The following NR2F2 variants were observed in gnomAD, a reference collection of about 807,000 sequenced individuals.
NR2F2 encodes the protein nuclear receptor subfamily 2 group F member 2, also known as COUP transcription factor 2.
A neutral mutation model predicts 34.8 loss-of-function variants in NR2F2; 2 were observed. That is an observed-to-expected ratio of 0.06 (90% CI 0.02 to 0.18). NR2F2 has a LOEUF of 0.18. Among genes scored for constraint, NR2F2 ranks in the 10% least tolerant of loss-of-function variants. The pLI, the probability that NR2F2 is intolerant of heterozygous loss-of-function variation, is 1.00. For missense variants in NR2F2, 300 were observed against 580.1 expected (o/e 0.52, Z 4.96); for synonymous variants, 274 against 251.8 (o/e 1.09, Z -0.84).
At position 96,331,601 on chromosome 15, in the gene NR2F2, CGCCAACTCCTCG is replaced by C. The variant is rs1168111159; in HGVS notation, c.-502_-491del. ...CCTCCTCCTCCTCCTCCTCCTCCTC[CGCCAACTCCTCG>C]GCTGCACACCAGCTCTAAGAGCGAG... is the stretch of plus-strand genomic sequence containing the variant. On this transcript the variant is annotated 5_prime_UTR_variant, in exon 1 of 3. Coordinates refer to ENST00000394166, the MANE Select transcript of NR2F2 (RefSeq NM_021005.4). 2.6e-5 allele frequency: 32 copies of C among 1,213,998 alleles called. No homozygotes were observed. The highest frequency in any genetic ancestry group is 4.2e-5 in the South Asian group (1 of 24,066). The allele number at this position is 1,213,998 out of a possible 1,614,324, so 75.2% of individuals were successfully genotyped here. A position where few individuals can be genotyped will look rare whatever the true frequency, so the allele number is the denominator to read the frequency against.
At chr15:96,328,764 C>CTTTTTTTTT (rs58051222), upstream of NR2F2, among the ~76,000 whole-genome samples, 1 of 138,748 alleles carries the variant, frequency 7.2e-6, no homozygotes, top group Admixed American at 7.2e-5. Context: ...GTTTGCTGGG[C>CTTTTTTTTT]TTTTTTTTTT....
chr15:96,331,009 C>T lies in NR2F2; in HGVS notation c.-1097C>T, dbSNP rs891086404. 13 of 1,224,288 alleles carry T rather than the reference C, an allele frequency of 1.1e-5. No individual in the cohort carries two copies. The African/African-American group carries it at 1.2e-4, about 12-fold the overall frequency. The allele number at this position is 1,224,288 out of a possible 1,614,324, so 75.8% of individuals were successfully genotyped here. A position where few individuals can be genotyped will look rare whatever the true frequency, so the allele number is the denominator to read the frequency against. On this transcript the variant is annotated 5_prime_UTR_variant, in exon 1 of 3. Coordinates refer to ENST00000394166, the MANE Select transcript of NR2F2 (RefSeq NM_021005.4). ...CTCTCTTTTATCATTTCTCCCCCGC[C>T]GCCGGCGAGTTGACTCTTTCCCTAT...
rs947885195 is a variant in NR2F2, at chr15:96,331,615, C to T, written c.-491C>T. The T allele has an allele frequency of 4.3e-5, 52 of 1,200,318 alleles. No individual in the cohort carries two copies. Among genetic ancestry groups the T allele is most frequent in the Non-Finnish European group, 3.4e-5 (33 of 961,718 alleles). The allele number at this position is 1,200,318 out of a possible 1,614,324, so 74.4% of individuals were successfully genotyped here. ...TCCTCCTCCTCCGCCAACTCCTCGG[C>T]TGCACACCAGCTCTAAGAGCGAGAG... On this transcript the variant is annotated 5_prime_UTR_variant, in exon 1 of 3. Transcript: ENST00000394166.
At position 96,331,966 on chromosome 15, in the gene NR2F2, CG is replaced by C; in HGVS notation, c.-136del. The C allele has an allele frequency of 8.3e-7, 1 of 1,207,330 alleles. No homozygotes were observed. Among genetic ancestry groups the C allele is most frequent in the Non-Finnish European group, 1.0e-6 (1 of 972,468 alleles). The allele number at this position is 1,207,330 out of a possible 1,614,324, so 74.8% of individuals were successfully genotyped here. On this transcript the variant is annotated 5_prime_UTR_variant, in exon 1 of 3. Coordinates refer to ENST00000394166, the MANE Select transcript of NR2F2 (RefSeq NM_021005.4). ...TCAACCAACCAGCCCCCGAGCCACCCGGGGCGCCCTCCCGCGCCCTCTTGCA... is the reference window on the plus strand; with the variant it reads ...TCAACCAACCAGCCCCCGAGCCACCCGGGCGCCCTCCCGCGCCCTCTTGCA...
Position 96,331,175 on chromosome 15 carries a change from G to A in NR2F2, c.-931G>A. The A allele has an allele frequency of 2.1e-6, 2 of 973,140 alleles. No homozygotes were observed. The highest frequency in any genetic ancestry group is 2.4e-6 in the Non-Finnish European group (2 of 819,110). The allele number at this position is 973,140 out of a possible 1,614,324, so 60.3% of individuals were successfully genotyped here. A position where few individuals can be genotyped will look rare whatever the true frequency, so the allele number is the denominator to read the frequency against. On this transcript the variant is annotated 5_prime_UTR_variant, in exon 1 of 3. Coordinates refer to ENST00000394166, the MANE Select transcript of NR2F2 (RefSeq NM_021005.4). The stretch of plus-strand genomic sequence containing the variant: ...GGCGGCTTCGGCGGCGGCTCCGGCG[G>A]CAGCGGCGGCCCGGGCGGCCCGCAG...
rs1170662606 is a variant in NR2F2, at chr15:96,331,568, CTCCTCT to C, written c.-532_-527del. 1.2e-4 allele frequency: 141 copies of C among 1,222,186 alleles called. No individual in the cohort carries two copies. The highest frequency in any genetic ancestry group is 1.4e-4 in the Non-Finnish European group (137 of 984,178). The allele number at this position is 1,222,186 out of a possible 1,614,324, so 75.7% of individuals were successfully genotyped here. A position where few individuals can be genotyped will look rare whatever the true frequency, so the allele number is the denominator to read the frequency against. Reference sequence around the variant, plus strand: ...CCTCTACCTCCTCCTTCACCACCACCTCCTCTTCCTCCTCCTCCTCCTCCTCCTCCT... The same window carrying C: ...CCTCTACCTCCTCCTTCACCACCACCTCCTCCTCCTCCTCCTCCTCCTCCT... On this transcript the variant is annotated 5_prime_UTR_variant, in exon 1 of 3. Coordinates refer to ENST00000394166, the MANE Select transcript of NR2F2 (RefSeq NM_021005.4).
Position 96,330,808 on chromosome 15 carries a change from G to A in NR2F2, c.-1298G>A, listed in dbSNP as rs965609806. On this transcript the variant is annotated 5_prime_UTR_variant, in exon 1 of 3. It adds an upstream start codon to the 5' untranslated region. Coordinates refer to ENST00000394166, the MANE Select transcript of NR2F2 (RefSeq NM_021005.4). The stretch of plus-strand genomic sequence containing the variant: ...TTCTCTGTTCTTTTCTCTCCGCGGT[G>A]TGTGTGTGCGTGCGCGCGTGTGTGT... 9.4e-7 allele frequency: 1 copy of A among 1,061,576 alleles called. No homozygotes were observed. 65.8% of individuals were successfully genotyped at this position (1,061,576 alleles called of 1,614,324 possible).
chr15:96,326,497 G>A (rs1898990239), upstream of NR2F2: 1 of 656,640 alleles, frequency 1.5e-6, no homozygotes, highest in Non-Finnish European at 2.7e-6. This position sits in a 1 kb window ranked among gnomAD's most constrained non-coding sequence, Gnocchi z 5.5. Context: ...GGTTTAAGGG[G>A]TTCGGGGAAG....
intron 2 of NR2F2, 119 bp from the exon 3 acceptor site, chr15:96,337,229 C>A: frequency 8.3e-7 from 1 of 1,198,992 alleles, no homozygotes; most frequent in Non-Finnish European, 1.2e-6. Flanking sequence ...TGACAGAGCT[C>A]TGTGCACACA....
At position 96,330,990 on chromosome 15, in the gene NR2F2, T is replaced by G; in HGVS notation, c.-1116T>G. 8.3e-7 allele frequency: 1 copy of G among 1,211,646 alleles called. No individual in the cohort carries two copies. The highest frequency in any genetic ancestry group is 3.3e-5 in the East Asian group (1 of 30,616). The allele number at this position is 1,211,646 out of a possible 1,614,324, so 75.1% of individuals were successfully genotyped here. On this transcript the variant is annotated 5_prime_UTR_variant, in exon 1 of 3. Coordinates refer to ENST00000394166, the MANE Select transcript of NR2F2 (RefSeq NM_021005.4). ...TGGTGATCTGCCCTCCTCTCTCTCT[T>G]TTATCATTTCTCCCCCGCCGCCGGC...
chr15:96,334,333 C>T lies in NR2F2; in HGVS notation c.700C>T (p.Pro234Ser). The stretch of plus-strand genomic sequence containing the variant: ...GTGGGCCCGGAACATCCCCTTCTTC[C>T]CCGACCTGCAGATCACGGACCAGGT... ...VEWARNIPFF[P>S]DLQITDQVAL... The change falls in exon 2 of 3, where the codon CCC becomes TCC. Residue 234 changes from proline (P) to serine (S), a missense_variant. Physicochemically the swap from Pro to Ser is moderately conservative, Grantham distance 74. This residue lies in a region of NR2F2 where 164 missense variants were observed against 365.3 expected (regional missense o/e 0.45). Transcript: ENST00000394166. The T allele has an allele frequency of 6.2e-7, 1 of 1,614,212 alleles. No individual in the cohort carries two copies. The highest frequency in any genetic ancestry group is 8.5e-7 in the Non-Finnish European group (1 of 1,180,040).
chr15:96,339,674 G>A lies in NR2F2; in HGVS notation c.*2052G>A, dbSNP rs1038570859. On this transcript the variant is annotated 3_prime_UTR_variant, in exon 3 of 3. Coordinates refer to ENST00000394166, the MANE Select transcript of NR2F2 (RefSeq NM_021005.4). ...AGAAGGAAGGAGGGAAACTTTACAG[G>A]GTGTGCTGATTTGGAAGTAGTAACT... 1 of 152,142 alleles carries A rather than the reference G, an allele frequency of 6.6e-6. No individual in the cohort carries two copies. The highest frequency in any genetic ancestry group is 1.5e-5 in the Non-Finnish European group (1 of 68,028). The allele number at this position is 152,142 out of a possible 1,614,324, so 9.4% of individuals were successfully genotyped here.
intron 1 of NR2F2, among the ~76,000 whole-genome samples, chr15:96,332,890 C>A (rs1239215448): frequency 6.8e-6 from 1 of 147,942 alleles, no homozygotes; most frequent in Non-Finnish European, 1.5e-5. Context: ...GTTTTTCCTG[C>A]ATGTTCAACA....
At chr15:96,333,577 C>T (rs918572581) in intron 1 of NR2F2, 2 of 1,014,282 alleles carry the variant, frequency 2.0e-6, no homozygotes, top group Non-Finnish European at 2.4e-6. Context: ...GGTTCCCCGC[C>T]GGGCTGGGGC....
At position 96,331,006 on chromosome 15, in the gene NR2F2, C is replaced by G. The variant is rs1277833548; in HGVS notation, c.-1100C>G. 3.3e-6 allele frequency: 4 copies of G among 1,223,094 alleles called. No homozygotes were observed. In the Admixed American group the frequency reaches 1.7e-4, roughly 52 times the overall value. 75.8% of individuals were successfully genotyped at this position (1,223,094 alleles called of 1,614,324 possible). A position where few individuals can be genotyped will look rare whatever the true frequency, so the allele number is the denominator to read the frequency against. ...TCTCTCTCTTTTATCATTTCTCCCC[C>G]GCCGCCGGCGAGTTGACTCTTTCCC... On this transcript the variant is annotated 5_prime_UTR_variant, in exon 1 of 3. Coordinates refer to ENST00000394166, the MANE Select transcript of NR2F2 (RefSeq NM_021005.4).
chr15:96,337,747 G>A lies in NR2F2; in HGVS notation c.*125G>A. On this transcript the variant is annotated 3_prime_UTR_variant, in exon 3 of 3. Coordinates refer to ENST00000394166, the MANE Select transcript of NR2F2 (RefSeq NM_021005.4). ...GTTACAAGTTTGCTAAAAGAAGAGA[G>A]GGGAAGAATTTAATGGACTGTGAAT... The A allele has an allele frequency of 1.1e-6, 1 of 871,476 alleles. No individual in the cohort carries two copies. Among genetic ancestry groups the A allele is most frequent in the African/African-American group, 1.7e-5 (1 of 58,324 alleles). 54.0% of individuals were successfully genotyped at this position (871,476 alleles called of 1,614,324 possible). A position where few individuals can be genotyped will look rare whatever the true frequency, so the allele number is the denominator to read the frequency against.
chr15:96,336,757 G>A (rs1899339987), intron 2 of NR2F2, among the ~76,000 whole-genome samples: 1 of 152,110 alleles, frequency 6.6e-6, no homozygotes, highest in African/African-American at 2.4e-5. Context: ...TTGCATGGCT[G>A]CCCTTCAATA....
rs2141166037 is a variant in NR2F2, at chr15:96,331,698, T to G, written c.-408T>G. On this transcript the variant is annotated 5_prime_UTR_variant, in exon 1 of 3. Coordinates refer to ENST00000394166, the MANE Select transcript of NR2F2 (RefSeq NM_021005.4). ...AGCGAGATCTTTGGAGAGATTTTTT[T>G]TTTTGCCTCCTACTTCTGTCTTGAA... The G allele has an allele frequency of 9.4e-7, 1 of 1,062,178 alleles. No individual in the cohort carries two copies. Among genetic ancestry groups the G allele is most frequent in the East Asian group, 3.4e-5 (1 of 29,658 alleles). The allele number at this position is 1,062,178 out of a possible 1,614,324, so 65.8% of individuals were successfully genotyped here.
chr15:96,337,450 C>T lies in NR2F2; in HGVS notation c.1073C>T (p.Thr358Met), dbSNP rs1435640547. ...YVRSQYPNQPTRFGKLLLRLP... is the reference protein window; with the variant it reads ...YVRSQYPNQPMRFGKLLLRLP... ...AGGAGCCAGTACCCCAACCAGCCGA[C>T]GAGATTCGGAAAGCTTTTGCTTCGC... Residue 358 changes from threonine to methionine, a missense_variant, in exon 3 of 3, where the codon ACG becomes ATG. Physicochemically the swap from Thr to Met is moderately conservative, Grantham distance 81 (BLOSUM62 -1). Around this residue, in one of 6 missense-constraint regions of NR2F2, gnomAD observed 164 missense variants for 365.3 expected, o/e 0.45. Transcript: ENST00000394166. The T allele has an allele frequency of 1.9e-6, 3 of 1,614,032 alleles. No individual in the cohort carries two copies. Among genetic ancestry groups the T allele is most frequent in the African/African-American group, 1.3e-5 (1 of 74,902 alleles).
Sources: gnomAD v4.1 joint callset for allele counts (sites outside exome capture counted in the v4.1 genomes callset) on GRCh38, gnomAD v4.1.1 for gene constraint, gnomAD v4.1.1 regional missense constraint, Gnocchi (gnomAD v3.1) non-coding constraint, MANE v1.5 for transcripts, NCBI Gene and HGNC (gene_info 2026-07-23, HGNC 2026-07-21) for gene names.